Variants in UBE2O observed in about 807,000 individuals in gnomAD.
UBE2O encodes ubiquitin conjugating enzyme E2 O.
Under a neutral mutation model 125.8 loss-of-function variants are expected in UBE2O, and 15 were observed. The ratio of observed to expected loss-of-function variants is 0.12; its 90% CI spans 0.08 to 0.18. UBE2O has a LOEUF of 0.18. UBE2O is among the 10% of genes least tolerant of loss of function. UBE2O has a pLI of 1.00. For missense variants in UBE2O, 1,280 were observed against 1,723.6 expected (o/e 0.74, Z 4.56); for synonymous variants, 708 against 703.2 (o/e 1.01, Z -0.11).
intron 1 of UBE2O, among the ~76,000 whole-genome samples, chr17:76,421,584 T>C: frequency 6.6e-6 from 1 of 152,080 alleles, no homozygotes; most frequent in Non-Finnish European, 1.5e-5. Flanking sequence ...AGGCTGGTCT[T>C]GAACTTCCGA....
At chr17:76,444,378 CCT>C (rs904052622) in intron 1 of UBE2O, among the ~76,000 whole-genome samples, 39 of 152,166 alleles carry the variant, frequency 2.6e-4, no homozygotes, top group African/African-American at 7.7e-4. Context: ...ATGGTGAGAC[CCT>C]GTTTCTACAA....
Position 76,423,976 on chromosome 17 carries a change from T to C in UBE2O, c.418-18404A>G, listed in dbSNP as rs1420195418. Among the ~76,000 whole-genome samples the C allele has an allele frequency of 2.4e-3, 352 of 144,646 alleles. 1 individual carries two copies. The highest frequency in any genetic ancestry group is 3.5e-3 in the Non-Finnish European group (233 of 66,608). The allele number at this position is 144,646 out of a possible 152,430, so 94.9% of individuals were successfully genotyped here. Reference sequence around the variant, plus strand: ...TAGTGCTAGTGCAGCGGCGCGATCTTGGCTCACTGCAAGCTCCACCTCCCA... The same window carrying C: ...TAGTGCTAGTGCAGCGGCGCGATCTCGGCTCACTGCAAGCTCCACCTCCCA... On this transcript the variant is annotated intron_variant, in intron 1 of 17. Transcript: ENST00000319380.
rs148214694 is a variant in UBE2O at position 76,396,015 on chromosome 17, G to A, written c.2809+113C>T. The A allele has an allele frequency of 2.7e-6, 4 of 1,474,452 alleles. No individual in the cohort carries two copies. Among genetic ancestry groups the A allele is most frequent in the Non-Finnish European group, 1.9e-6 (2 of 1,080,286 alleles). The allele number at this position is 1,474,452 out of a possible 1,614,324, so 91.3% of individuals were successfully genotyped here. A position where few individuals can be genotyped will look rare whatever the true frequency, so the allele number is the denominator to read the frequency against. Reference sequence around the variant, plus strand: ...ACACAGGGAAATGGTTTGCCCTGGGGCAGTAGCTGGGGTCTGGCGAGGGGA... The same window carrying A: ...ACACAGGGAAATGGTTTGCCCTGGGACAGTAGCTGGGGTCTGGCGAGGGGA... On this transcript the variant is annotated intron_variant, in intron 14 of 17. Coordinates refer to ENST00000319380, the MANE Select transcript of UBE2O (RefSeq NM_022066.4). The surrounding 1 kb of genome is among the most constrained non-coding windows in gnomAD (Gnocchi z 6.7).
At chr17:76,447,197 C>T (rs1430798534) in intron 1 of UBE2O, among the ~76,000 whole-genome samples, 2 of 152,200 alleles carry the variant, frequency 1.3e-5, no homozygotes, top group African/African-American at 2.4e-5. Context: ...CACTCGGTCA[C>T]GTATAGTAAT....
rs2073256887 is a variant in UBE2O at position 76,452,122 on chromosome 17, G to A, written c.417+603C>T. 6.6e-6 allele frequency among the ~76,000 whole-genome samples: 1 copy of A among 152,034 alleles called. No individual in the cohort carries two copies. The highest frequency in any genetic ancestry group is 1.5e-5 in the Non-Finnish European group (1 of 68,018). ...CCCCCCAAGTACTATTCATACCGGG[G>A]CTCTGATTGCTAATGATTTTACTCA... On this transcript the variant is annotated intron_variant, in intron 1 of 17. Transcript: ENST00000319380. This position sits in a 1 kb window ranked among gnomAD's most constrained non-coding sequence, Gnocchi z 4.4.
chr17:76,451,618 T>C (rs758507673), intron 1 of UBE2O, among the ~76,000 whole-genome samples: 9 of 152,178 alleles, frequency 5.9e-5, no homozygotes, highest in Admixed American at 1.3e-4. Context: ...TGTCTCCCAC[T>C]GTGTGAGAAA....
intron 1 of UBE2O, among the ~76,000 whole-genome samples, chr17:76,426,848 G>A (rs749904417): frequency 9.9e-5 from 15 of 152,006 alleles, no homozygotes; most frequent in South Asian, 2.1e-4. Flanking sequence ...ATTACTGTCC[G>A]CATTTCTCCT....
intron 1 of UBE2O, among the ~76,000 whole-genome samples, chr17:76,443,294 TA>T (rs912144375): frequency 2.4e-4 from 37 of 151,612 alleles, no homozygotes; most frequent in African/African-American, 7.5e-4. Flanking sequence ...TATATATATA[TA>T]TTTTTTTCCT....
intron 1 of UBE2O, among the ~76,000 whole-genome samples, chr17:76,407,152 G>A (rs921992265): frequency 2.6e-5 from 4 of 152,176 alleles, no homozygotes; most frequent in East Asian, 1.9e-4. Flanking sequence ...CCAAGGCAGC[G>A]GACCGCAGGT....
intron 1 of UBE2O, among the ~76,000 whole-genome samples, chr17:76,420,939 C>T (rs1393721306): frequency 1.3e-5 from 2 of 152,120 alleles, no homozygotes; most frequent in African/African-American, 2.4e-5. Context: ...TTTCTTCAGC[C>T]CCCCACATCC....
chr17:76,440,619 T>G (rs2073063952), intron 1 of UBE2O, among the ~76,000 whole-genome samples: 1 of 152,252 alleles, frequency 6.6e-6, no homozygotes, highest in Admixed American at 6.5e-5. Context: ...TGAGCCACCA[T>G]GCCTGGCCTC....
Position 76,396,661 on chromosome 17 carries a change from G to C in UBE2O, c.2276C>G (p.Pro759Arg), listed in dbSNP as rs775783105. 6.2e-7 allele frequency: 1 copy of C among 1,613,614 alleles called. No individual in the cohort carries two copies. Among genetic ancestry groups the C allele is most frequent in the Non-Finnish European group, 8.5e-7 (1 of 1,179,980 alleles). Residue 759 changes from proline to arginine, a missense_variant, in exon 14 of 18, where the codon CCC becomes CGC. By Grantham distance (103) the Pro-to-Arg change is moderately radical. Transcript: ENST00000319380. The surrounding 1 kb of genome is among the most constrained non-coding windows in gnomAD (Gnocchi z 6.7). ...CACCGGCTGCTCCAGGGGTGGGATGGGGGGCTCCTCTATCTTGGGGTGCTC... is the reference window on the plus strand; with the variant it reads ...CACCGGCTGCTCCAGGGGTGGGATGCGGGGCTCCTCTATCTTGGGGTGCTC... ...EDEHPKIEEP[P>R]IPPLEQPVAP...
intron 1 of UBE2O, among the ~76,000 whole-genome samples, chr17:76,443,280 G>T (rs1418964676): frequency 6.6e-6 from 1 of 151,398 alleles, no homozygotes; most frequent in Admixed American, 6.6e-5. Context: ...AAAAAGTTGG[G>T]GAATATATAT....
At chr17:76,445,304 G>A (rs758886804) in intron 1 of UBE2O, among the ~76,000 whole-genome samples, 14 of 151,130 alleles carry the variant, frequency 9.3e-5, no homozygotes, top group Non-Finnish European at 1.6e-4. Flanking sequence ...TGTTTCCCAG[G>A]TATAGTTATG....
rs2072261611 is a variant in UBE2O at position 76,398,767 on chromosome 17, C to A, written c.1783+70G>T. 1.9e-6 allele frequency: 3 copies of A among 1,574,256 alleles called. No homozygotes were observed. The highest frequency in any genetic ancestry group is 1.7e-4 in the Middle Eastern group (1 of 5,870). ...TCTGACCCCAGATCCACTGCCCATTCTCCACAAGCCCCAACCCGGGCCCTC... is the reference window on the plus strand; with the variant it reads ...TCTGACCCCAGATCCACTGCCCATTATCCACAAGCCCCAACCCGGGCCCTC... On this transcript the variant is annotated intron_variant, in intron 10 of 17. Coordinates refer to ENST00000319380, the MANE Select transcript of UBE2O (RefSeq NM_022066.4). This position sits in a 1 kb window ranked among gnomAD's most constrained non-coding sequence, Gnocchi z 5.4.
chr17:76,439,077 C>A (rs2073042104), intron 1 of UBE2O, among the ~76,000 whole-genome samples: 1 of 152,224 alleles, frequency 6.6e-6, no homozygotes. Flanking sequence ...GACCTGCACA[C>A]ACACAGCAAG....
chr17:76,453,085 A>G lies in UBE2O; in HGVS notation c.57T>C (p.Ala19=), dbSNP rs2143950049. 1 of 1,128,642 alleles carries G rather than the reference A, an allele frequency of 8.9e-7. No individual in the cohort carries two copies. Among genetic ancestry groups the G allele is most frequent in the South Asian group, 2.3e-5 (1 of 44,090 alleles). 69.9% of individuals were successfully genotyped at this position (1,128,642 alleles called of 1,614,324 possible). The part of the protein sequence containing the change: ...PAAPAPAQAP[A]PAPEAVPAPA... The stretch of plus-strand genomic sequence containing the variant: ...GGGCCGGGACTGCCTCCGGGGCTGG[A>G]GCCGGGGCCTGGGCTGGAGCGGGAG... The change falls in exon 1 of 18, where the codon GCT becomes GCC. Residue 19 remains alanine (A), a synonymous_variant. Coordinates refer to ENST00000319380, the MANE Select transcript of UBE2O (RefSeq NM_022066.4).
chr17:76,427,159 T>A (rs1283198519), intron 1 of UBE2O, among the ~76,000 whole-genome samples: 1 of 152,142 alleles, frequency 6.6e-6, no homozygotes, highest in Non-Finnish European at 1.5e-5. Context: ...CATACCACCA[T>A]CCATGTTTGT....
At chr17:76,401,231 C>A in intron 5 of UBE2O, 77 bp from the exon 6 acceptor site, 1 of 1,538,508 alleles carries the variant, frequency 6.5e-7, no homozygotes. Context: ...CGCCTGTGCC[C>A]GCTGGCTGCC....
Sources: allele counts gnomAD v4.1 joint callset (sites outside exome capture counted in the v4.1 genomes callset), GRCh38; gene constraint gnomAD v4.1.1; non-coding constraint Gnocchi (gnomAD v3.1); transcripts MANE v1.5; gene names NCBI Gene and HGNC (gene_info 2026-07-23, HGNC 2026-07-21).